The following CAPZB variants were observed in gnomAD, a reference collection of about 807,000 sequenced individuals.
CAPZB encodes the protein capping actin protein of muscle Z-line subunit beta, also known as F-actin-capping protein subunit beta.
In CAPZB, 2 loss-of-function variants were observed where a neutral mutation model predicts 38.1. That is an observed-to-expected ratio of 0.05 (90% CI 0.02 to 0.17). The LOEUF (loss-of-function observed/expected upper bound fraction) is 0.17. Among genes scored for constraint, CAPZB ranks in the 10% least tolerant of loss-of-function variants. The probability of loss-of-function intolerance (pLI) is 1.00; values close to 1 mark genes in which losing one functional copy is unlikely to be tolerated. For missense variants in CAPZB, 161 were observed against 334.2 expected (o/e 0.48, Z 4.04); for synonymous variants, 107 against 127.4 (o/e 0.84, Z 1.08).
chr1:19,476,203 GATA>G (rs2094606082), intron 1 of CAPZB, among the ~76,000 whole-genome samples: 6 of 137,008 alleles, frequency 4.4e-5, no homozygotes, highest in African/African-American at 2.2e-4. Flanking sequence ...TAGATAGATA[GATA>G]GATAGATAGA....
At chr1:19,435,298 G>C (rs965461400) in intron 1 of CAPZB, among the ~76,000 whole-genome samples, 4 of 152,210 alleles carry the variant, frequency 2.6e-5, no homozygotes, top group African/African-American at 9.7e-5. Flanking sequence ...CAAACGCTGA[G>C]TGTTATGTCT....
At chr1:19,425,607 C>G (rs979156941) in intron 1 of CAPZB, among the ~76,000 whole-genome samples, 1 of 152,184 alleles carries the variant, frequency 6.6e-6, no homozygotes, top group African/African-American at 2.4e-5. Context: ...ATTTCACCTC[C>G]TGTTTTCACA....
In CAPZB at chr1:19,385,739, G is replaced by A. The variant is rs761749853; in HGVS notation, c.94-113C>T. ...TCAGTACCTTTAACATCTGGCCCTGGGCACTGAGACAAAATTATGGGCCTG... is the reference window on the plus strand; with the variant it reads ...TCAGTACCTTTAACATCTGGCCCTGAGCACTGAGACAAAATTATGGGCCTG... On this transcript the variant is annotated intron_variant, in intron 2 of 8. Coordinates refer to ENST00000264202, the MANE Select transcript of CAPZB (RefSeq NM_004930.5). The A allele has an allele frequency of 2.4e-6, 3 of 1,269,702 alleles. No homozygotes were observed. The Admixed American group carries it at 5.0e-5, about 21-fold the overall frequency. 78.7% of individuals were successfully genotyped at this position (1,269,702 alleles called of 1,614,324 possible).
rs187488709 is a variant in CAPZB at position 19,347,108 on chromosome 1, T to G, written c.589-1856A>C. Among the ~76,000 whole-genome samples the G allele has an allele frequency of 2.1e-3, 316 of 152,182 alleles. 1 individual carries two copies. The highest frequency in any genetic ancestry group is 3.0e-3 in the Non-Finnish European group (204 of 68,000). ...CACCTGCCTCAGCCTCCCGAAGTGCTGGGATTACAAGTATGAGCCACTGCA... is the reference window on the plus strand; with the variant it reads ...CACCTGCCTCAGCCTCCCGAAGTGCGGGGATTACAAGTATGAGCCACTGCA... On this transcript the variant is annotated intron_variant, in intron 6 of 8. Transcript: ENST00000264202.
intron 1 of CAPZB, among the ~76,000 whole-genome samples, chr1:19,431,441 T>C (rs375046572): frequency 1.1e-4 from 17 of 152,204 alleles, no homozygotes; most frequent in African/African-American, 4.1e-4. Context: ...GGCTCATGCC[T>C]GTAATCCCAG....
chr1:19,452,913 C>T (rs934378146), intron 1 of CAPZB, among the ~76,000 whole-genome samples: 1 of 151,532 alleles, frequency 6.6e-6, no homozygotes, highest in African/African-American at 2.4e-5. Flanking sequence ...AAGCGATTCA[C>T]CTGCCTCAGT....
At chr1:19,419,554 G>C in intron 2 of CAPZB, 107 bp downstream of exon 2, 1 of 683,744 alleles carries the variant, frequency 1.5e-6, no homozygotes, top group Non-Finnish European at 2.6e-6. Flanking sequence ...GTCTGCCAGG[G>C]AGAGAAAAGG....
intron 1 of CAPZB, among the ~76,000 whole-genome samples, chr1:19,442,695 C>T (rs142346820): frequency 7.9e-5 from 12 of 152,312 alleles, no homozygotes; most frequent in East Asian, 1.9e-4. Context: ...AGCCCAGCTG[C>T]TCTGAAGGAC....
intron 4 of CAPZB, among the ~76,000 whole-genome samples, chr1:19,370,954 A>G (rs1277859810): frequency 6.6e-6 from 1 of 152,154 alleles, no homozygotes; most frequent in African/African-American, 2.4e-5. Context: ...GTGTTGAAAC[A>G]TGGGCCCCAT....
At chr1:19,400,108 C>T (rs936529994) in intron 2 of CAPZB, among the ~76,000 whole-genome samples, 2 of 152,146 alleles carry the variant, frequency 1.3e-5, no homozygotes, top group African/African-American at 4.8e-5. Flanking sequence ...TCCAAATTCC[C>T]TTCTCTTTTC....
At chr1:19,419,943 G>T (rs745554280) in intron 1 of CAPZB, 193 bp from the exon 2 acceptor site, 1 of 532,070 alleles carries the variant, frequency 1.9e-6, no homozygotes, top group Non-Finnish European at 3.3e-6. Flanking sequence ...CCCTTTGACA[G>T]CAGTCTCTGT....
intron 1 of CAPZB, among the ~76,000 whole-genome samples, chr1:19,469,913 G>A (rs771791287): frequency 1.6e-4 from 25 of 152,284 alleles, no homozygotes; most frequent in Admixed American, 3.3e-4. Context: ...ACGGACTACT[G>A]TGCTTCACTC....
At chr1:19,366,303 TATATATAA>T (rs374921272) in intron 4 of CAPZB, among the ~76,000 whole-genome samples, 13,080 of 101,892 alleles carry the variant, frequency 0.13, 1,184 homozygotes, top group Non-Finnish European at 0.15. Context: ...TATATATATA[TATATATAA>T]ATAAAATAAA....
chr1:19,434,774 C>A (rs1338786752), intron 1 of CAPZB, among the ~76,000 whole-genome samples: 1 of 151,982 alleles, frequency 6.6e-6, no homozygotes, highest in Non-Finnish European at 1.5e-5. Flanking sequence ...ACAAAAAATA[C>A]AAAAATTAAC....
chr1:19,484,711 G>T, intron 1 of CAPZB: 1 of 1,082,040 alleles, frequency 9.2e-7, no homozygotes, highest in Non-Finnish European at 1.1e-6. Flanking sequence ...ACCCTGATGA[G>T]AGGCTCAGGG....
intron 1 of CAPZB, chr1:19,484,200 G>C: frequency 1.2e-6 from 2 of 1,612,290 alleles, no homozygotes; most frequent in Non-Finnish European, 1.7e-6. Flanking sequence ...CTGATCCGAG[G>C]GACTTCCATA....
At chr1:19,347,101 G>A (rs190843384) in intron 6 of CAPZB, among the ~76,000 whole-genome samples, 288 of 151,698 alleles carry the variant, frequency 1.9e-3, no homozygotes, top group African/African-American at 6.4e-3. Context: ...TCAGCCTCCC[G>A]AAGTGCTGGG....
rs528617668 is a variant in CAPZB at position 19,383,446 on chromosome 1, C to CAAAAA, written c.215+2054_215+2058dup. On this transcript the variant is annotated intron_variant, in intron 3 of 8. Transcript: ENST00000264202. ...TGGACAACAGAGTGAGACTCTGTCT[C>CAAAAA]AAAAAAAAAAAAAAAAAAAATTAGC... 5.6e-3 allele frequency among the ~76,000 whole-genome samples: 661 copies of CAAAAA among 118,020 alleles called. 11 individuals are homozygous for CAAAAA. Among genetic ancestry groups the CAAAAA allele is most frequent in the African/African-American group, 0.02 (609 of 29,986 alleles). The allele number at this position is 118,020 out of a possible 152,430, so 77.4% of individuals were successfully genotyped here.
chr1:19,391,321 T>C (rs2100262331), intron 2 of CAPZB, among the ~76,000 whole-genome samples: 1 of 152,262 alleles, frequency 6.6e-6, no homozygotes, highest in Non-Finnish European at 1.5e-5. Flanking sequence ...CACGGCGCCC[T>C]TGTCTTTAAG....
Sources: gnomAD v4.1 joint callset for allele counts (sites outside exome capture counted in the v4.1 genomes callset) on GRCh38, gnomAD v4.1.1 for gene constraint, MANE v1.5 for transcripts, NCBI Gene and HGNC (gene_info 2026-07-23, HGNC 2026-07-21) for gene names.